DDX21: variants seen among roughly 807,000 people sequenced by gnomAD.
The protein encoded by DDX21 is DExD-box helicase 21, also known as nucleolar RNA helicase 2.
DDX21 carries 18 observed loss-of-function variants against 90.0 expected under a neutral mutation model. That is an observed-to-expected ratio of 0.20 (90% CI 0.14 to 0.30). The LOEUF (loss-of-function observed/expected upper bound fraction) is 0.30. Among genes scored for constraint, DDX21 ranks in the 10% least tolerant of loss-of-function variants. The pLI is 1.00. For synonymous variants in DDX21, 294 were observed against 318.0 expected (o/e 0.92, Z 0.80); for missense variants, 673 against 944.5 (o/e 0.71, Z 3.77).
At chr10:68,956,811 G>A in intron 1 of DDX21, 1 of 965,052 alleles carries the variant, frequency 1.0e-6, no homozygotes, top group South Asian at 4.5e-5. Flanking sequence ...GGGAGGCCGA[G>A]GCGGGCGGAT....
chr10:68,965,368 C>CT lies in DDX21; in HGVS notation c.787-6dup. 6.2e-7 allele frequency: 1 copy of CT among 1,601,132 alleles called. No homozygotes were observed. The highest frequency in any genetic ancestry group is 8.5e-7 in the Non-Finnish European group (1 of 1,170,468). On this transcript the variant is annotated splice_polypyrimidine_tract_variant and intron_variant, in intron 4 of 14. Transcript: ENST00000354185. ...CAGTAATTTGAATTCAATTATTTTTCTTTATCAGGTACTGGTTCTTGCACC... is the reference window on the plus strand; with the variant it reads ...CAGTAATTTGAATTCAATTATTTTTCTTTTATCAGGTACTGGTTCTTGCACC...
chr10:68,973,553 G>A lies in DDX21; in HGVS notation c.1557G>A (p.Glu519=). The change falls in exon 10 of 15, where the codon GAG becomes GAA. Residue 519 remains glutamate (E), a synonymous_variant. Coordinates refer to ENST00000354185, the MANE Select transcript of DDX21 (RefSeq NM_004728.4). ...GTATTTTACTTCAATAGGATGTAGA[G>A]TCCTACATTCATCGATCCGGGCGGA... ...VIQSSPPKDV[E]SYIHRSGRTG... 1.2e-6 allele frequency: 2 copies of A among 1,614,062 alleles called. No homozygotes were observed. The highest frequency in any genetic ancestry group is 1.7e-6 in the Non-Finnish European group (2 of 1,179,958).
rs150078610 is a variant in DDX21, at chr10:68,968,299, G to A, written c.1091-677G>A. ...TCCTGAGTAGCTTAGGGCTACAGGC[G>A]TGCGCCACCATGCCTGGCTAATGTT... On this transcript the variant is annotated intron_variant, in intron 6 of 14. Coordinates refer to ENST00000354185, the MANE Select transcript of DDX21 (RefSeq NM_004728.4). 3.2e-3 allele frequency among the ~76,000 whole-genome samples: 491 copies of A among 152,240 alleles called. 3 individuals are homozygous for A. Among genetic ancestry groups the A allele is most frequent in the African/African-American group, 0.011 (444 of 41,542 alleles).
intron 1 of DDX21, 46 bp downstream of exon 1, chr10:68,956,358 G>A: frequency 6.2e-7 from 1 of 1,610,500 alleles, no homozygotes; most frequent in Non-Finnish European, 8.5e-7. Context: ...GAATGGAGCG[G>A]AACCCCGGGG....
Position 68,963,370 on chromosome 10 carries a change from G to A in DDX21, c.687G>A (p.Gln229=). The change falls in exon 4 of 15, where the codon CAG becomes CAA. Residue 229 remains glutamine, a synonymous_variant. Transcript: ENST00000354185. ...HVYSGKDLIA[Q]ARTGTGKTFS... ...ACAGCGGGAAGGACTTAATTGCACA[G>A]GCACGGACAGGAACTGGGAAGACAT... 6.2e-7 allele frequency: 1 copy of A among 1,614,120 alleles called. No homozygotes were observed. Among genetic ancestry groups the A allele is most frequent in the Non-Finnish European group, 8.5e-7 (1 of 1,179,998 alleles).
rs1842789181 is a variant in DDX21, at chr10:68,956,188, T to C, written c.-38T>C. ...GAACTACCTCTTCCTCTCCACGCGG[T>C]TGAGAAGACCGGTCGGCCTGGGCAA... On this transcript the variant is annotated 5_prime_UTR_variant, in exon 1 of 15. Transcript: ENST00000354185. 1 of 1,608,422 alleles carries C rather than the reference T, an allele frequency of 6.2e-7. No individual in the cohort carries two copies. The highest frequency in any genetic ancestry group is 8.5e-7 in the Non-Finnish European group (1 of 1,176,290).
At chr10:68,977,072 A>ACAT (rs1843111774) in intron 11 of DDX21, among the ~76,000 whole-genome samples, 1 of 151,866 alleles carries the variant, frequency 6.6e-6, no homozygotes, top group Non-Finnish European at 1.5e-5. Context: ...CACCACACCC[A>ACAT]GCTTTTTTTT....
In DDX21 at chr10:68,983,730, A is replaced by C. The variant is rs1589290997; in HGVS notation, c.*918A>C. 6.7e-6 allele frequency: 1 copy of C among 149,628 alleles called. No homozygotes were observed. Among genetic ancestry groups the C allele is most frequent in the Non-Finnish European group, 1.5e-5 (1 of 67,468 alleles). 9.3% of individuals were successfully genotyped at this position (149,628 alleles called of 1,614,324 possible). A position where few individuals can be genotyped will look rare whatever the true frequency, so the allele number is the denominator to read the frequency against. ...AAAAAAAAAAAAAAAGAACCAAACC[A>C]CTGGAAATAATCAAATGCAAAAAGG... On this transcript the variant is annotated 3_prime_UTR_variant, in exon 15 of 15. Transcript: ENST00000354185.
In DDX21 at chr10:68,979,034, T is replaced by C. The variant is rs577482810; in HGVS notation, c.2037+58T>C. ...GGGCTTTATGTGGGCAGGAAAACAG[T>C]GTGGTGTGGGTTCTTCCTGTTCTGT... On this transcript the variant is annotated intron_variant, in intron 13 of 14. Transcript: ENST00000354185. The C allele has an allele frequency of 2.8e-4, 445 of 1,606,516 alleles. 3 individuals carry two copies. The South Asian group carries it at 4.7e-3, about 17-fold the overall frequency.
intron 4 of DDX21, among the ~76,000 whole-genome samples, chr10:68,964,735 C>T (rs1842919373): frequency 7.2e-6 from 1 of 138,544 alleles, no homozygotes; most frequent in African/African-American, 2.6e-5. Flanking sequence ...GCAATCTTAA[C>T]CTCTGCCTCG....
rs1024110286 is a variant in DDX21, at chr10:68,965,553, T to G, written c.904+59T>G. 3.2e-6 allele frequency: 4 copies of G among 1,262,462 alleles called. No homozygotes were observed. The African/African-American group carries it at 4.5e-5, about 14-fold the overall frequency. The allele number at this position is 1,262,462 out of a possible 1,614,324, so 78.2% of individuals were successfully genotyped here. ...GCCACCCATTGTTGACTGCTCTGAT[T>G]GGATTTCTTTTCACCTTGACATCTG... On this transcript the variant is annotated intron_variant, in intron 5 of 14. Coordinates refer to ENST00000354185, the MANE Select transcript of DDX21 (RefSeq NM_004728.4).
chr10:68,983,480 C>T lies in DDX21; in HGVS notation c.*668C>T, dbSNP rs1843224151. On this transcript the variant is annotated 3_prime_UTR_variant, in exon 15 of 15. Transcript: ENST00000354185. ...GTGATTCATGCTTTAGTGAATTCTTCATAGATAGTATATATAAAAGTACAT... is the reference window on the plus strand; with the variant it reads ...GTGATTCATGCTTTAGTGAATTCTTTATAGATAGTATATATAAAAGTACAT... 1 of 152,068 alleles carries T rather than the reference C, an allele frequency of 6.6e-6. No individual in the cohort carries two copies. Among genetic ancestry groups the T allele is most frequent in the Non-Finnish European group, 1.5e-5 (1 of 68,076 alleles). 9.4% of individuals were successfully genotyped at this position (152,068 alleles called of 1,614,324 possible). A position where few individuals can be genotyped will look rare whatever the true frequency, so the allele number is the denominator to read the frequency against.
Position 68,982,740 on chromosome 10 carries a change from A to T in DDX21, c.2280A>T (p.Gly760=). The change falls in exon 15 of 15, where the codon GGA becomes GGT. Residue 760 remains glycine, a synonymous_variant. Coordinates refer to ENST00000354185, the MANE Select transcript of DDX21 (RefSeq NM_004728.4). The part of the protein sequence containing the change: ...GSRGPRGQRS[G]GGNKSNRSQN... ...GAGGCCCGAGAGGACAGCGATCAGG[A>T]GGTGGCAACAAAAGTAACAGATCCC... 6.2e-7 allele frequency: 1 copy of T among 1,614,190 alleles called. No individual in the cohort carries two copies. The highest frequency in any genetic ancestry group is 8.5e-7 in the Non-Finnish European group (1 of 1,180,040).
At chr10:68,981,636 T>C in intron 14 of DDX21, 55 bp downstream of exon 14, 1 of 1,361,436 alleles carries the variant, frequency 7.3e-7, no homozygotes, top group Non-Finnish European at 1.0e-6. Flanking sequence ...AGAATGTTAA[T>C]TATGAAAATA....
chr10:68,974,846 A>G (rs78275262), intron 11 of DDX21, 103 bp downstream of exon 11: 1 of 874,872 alleles, frequency 1.1e-6, no homozygotes, highest in African/African-American at 1.7e-5. Context: ...TTTTTTTAAA[A>G]TTTTTGAGAC....
chr10:68,962,417 C>G (rs1230328259), intron 3 of DDX21, among the ~76,000 whole-genome samples: 1 of 152,128 alleles, frequency 6.6e-6, no homozygotes. Context: ...AGTTTGAGAT[C>G]TTCCTGGGTA....
chr10:68,956,984 G>T (rs899269454), intron 1 of DDX21, among the ~76,000 whole-genome samples: 1 of 151,692 alleles, frequency 6.6e-6, no homozygotes, highest in Admixed American at 6.6e-5. Flanking sequence ...GGAGGTTGTG[G>T]TGAGCCGAGA....
At position 68,960,164 on chromosome 10, in the gene DDX21, A is replaced by T. The variant is rs1265587542; in HGVS notation, c.446A>T (p.Lys149Ile). ...GGAGAAACTAGAGAGAAAAGCCCCAAACTGAAGAATGGATTTCCTCATCCT... is the reference window on the plus strand; with the variant it reads ...GGAGAAACTAGAGAGAAAAGCCCCATACTGAAGAATGGATTTCCTCATCCT... ...MNGETREKSP[K>I]LKNGFPHPEP... The change falls in exon 2 of 15, where the codon AAA becomes ATA. Residue 149 changes from lysine (K) to isoleucine (I), a missense_variant. Physicochemically the swap from Lys to Ile is moderately radical, Grantham distance 102 (BLOSUM62 -3). Around this residue, in one of 4 missense-constraint regions of DDX21, gnomAD observed 204 missense variants for 221.6 expected, o/e 0.92. Coordinates refer to ENST00000354185, the MANE Select transcript of DDX21 (RefSeq NM_004728.4). The T allele has an allele frequency of 3.1e-6, 5 of 1,614,028 alleles. No individual in the cohort carries two copies. Among genetic ancestry groups the T allele is most frequent in the Non-Finnish European group, 4.2e-6 (5 of 1,180,020 alleles).
In DDX21 at chr10:68,983,019, G is replaced by A; in HGVS notation, c.*207G>A. 2 of 666,290 alleles carry A rather than the reference G, an allele frequency of 3.0e-6. No homozygotes were observed. Among genetic ancestry groups the A allele is most frequent in the East Asian group, 5.6e-5 (2 of 35,616 alleles). The allele number at this position is 666,290 out of a possible 1,614,324, so 41.3% of individuals were successfully genotyped here. On this transcript the variant is annotated 3_prime_UTR_variant, in exon 15 of 15. Transcript: ENST00000354185. ...TAACTTTATTGTTACTTCTTCATCA[G>A]TTTTTCCTTTTGAAAGGTGTATGAA...
Sources: allele counts gnomAD v4.1 joint callset (sites outside exome capture counted in the v4.1 genomes callset), GRCh38; gene constraint gnomAD v4.1.1; regional missense constraint gnomAD v4.1.1; transcripts MANE v1.5; gene names NCBI Gene and HGNC (gene_info 2026-07-23, HGNC 2026-07-21).